Variants in PLXNB1 observed in about 807,000 individuals in gnomAD.
PLXNB1 encodes plexin-B1.
In PLXNB1, 106 loss-of-function variants were observed where a neutral mutation model predicts 209.4. The observed-to-expected ratio is 0.51, with a 90% CI of 0.43 to 0.59. The LOEUF is 0.59. PLXNB1 is among the 20% of genes least tolerant of loss of function. PLXNB1 has a pLI of 0.00. For synonymous variants in PLXNB1, 1,167 were observed against 1,183.2 expected (o/e 0.99, Z 0.28); for missense variants, 2,357 against 2,853.2 (o/e 0.83, Z 3.96).
chr3:48,426,642 G>T (rs1054385410), intron 1 of PLXNB1, among the ~76,000 whole-genome samples: 2 of 152,206 alleles, frequency 1.3e-5, no homozygotes, highest in Non-Finnish European at 2.9e-5. Context: ...ACAGCCCGGT[G>T]GGAGCAGGGG....
rs1487105591 is a variant in PLXNB1, at chr3:48,412,748, G to A, written c.4848C>T (p.Leu1616=). ...LSNLLNSKLF[L]TKFIHTLESQ... ...AAGATGCAGCTGGGGGTACCTTGGT[G>A]AGGAAGAGCTTGCTGTTGAGCAGGT... The change falls in exon 25 of 38, where the codon CTC becomes CTT. Residue 1616 remains leucine, a synonymous_variant. Transcript: ENST00000296440. 6.2e-7 allele frequency: 1 copy of A among 1,612,140 alleles called. No individual in the cohort carries two copies. Among genetic ancestry groups the A allele is most frequent in the Non-Finnish European group, 8.5e-7 (1 of 1,179,024 alleles).
At position 48,412,287 on chromosome 3, in the gene PLXNB1, T is replaced by A; in HGVS notation, c.5051A>T (p.Glu1684Val). 2 of 1,614,038 alleles carry A rather than the reference T, an allele frequency of 1.2e-6. No individual in the cohort carries two copies. Among genetic ancestry groups the A allele is most frequent in the Non-Finnish European group, 1.7e-6 (2 of 1,180,010 alleles). The change falls in exon 27 of 38, where the codon GAG becomes GTG. Residue 1684 changes from glutamate (E) to valine (V), a missense_variant. Around this residue, in one of 7 missense-constraint regions of PLXNB1, gnomAD observed 65 missense variants for 127.6 expected, o/e 0.51. Transcript: ENST00000296440. ...LMLRRTETVV[E>V]KLLTNWMSIC... ...GGACATCCAGTTGGTGAGCAGCTTC[T>A]CCACCACAGTCTCTGTCCTGAGATG...
Position 48,404,439 on chromosome 3 carries a change from C to G in PLXNB1, c.*47G>C. On this transcript the variant is annotated 3_prime_UTR_variant, in exon 38 of 38. Coordinates refer to ENST00000296440, the MANE Select transcript of PLXNB1 (RefSeq NM_001130082.3). ...TGGCCTCTCCTCCGAGCTTCCAGGG[C>G]TGCCCAGGCCAGGCTGAAGCAACAG... is the stretch of plus-strand genomic sequence containing the variant. The G allele has an allele frequency of 7.6e-7, 1 of 1,322,214 alleles. No homozygotes were observed. The highest frequency in any genetic ancestry group is 1.1e-6 in the Non-Finnish European group (1 of 927,278). 81.9% of individuals were successfully genotyped at this position (1,322,214 alleles called of 1,614,324 possible).
Position 48,406,383 on chromosome 3 carries a change from T to C in PLXNB1, c.6228+440A>G, listed in dbSNP as rs1420104931. The stretch of plus-strand genomic sequence containing the variant: ...CAACACCCCAAAATTATATCTGCTA[T>C]TAGTGTTGTGGTTGTCATCATCAAC... On this transcript the variant is annotated intron_variant, in intron 36 of 37. Transcript: ENST00000296440. This position sits in a 1 kb window ranked among gnomAD's most constrained non-coding sequence, Gnocchi z 4.4. Among the ~76,000 whole-genome samples, 1 of 152,224 alleles carries C rather than the reference T, an allele frequency of 6.6e-6. No individual in the cohort carries two copies. The highest frequency in any genetic ancestry group is 1.5e-5 in the Non-Finnish European group (1 of 68,048).
In PLXNB1 at chr3:48,410,777, CCT is replaced by C. The variant is rs1468755047; in HGVS notation, c.5416+89_5416+90del. 6.1e-6 allele frequency: 8 copies of C among 1,310,658 alleles called. No homozygotes were observed. The highest frequency in any genetic ancestry group is 2.8e-5 in the South Asian group (2 of 72,366). 81.2% of individuals were successfully genotyped at this position (1,310,658 alleles called of 1,614,324 possible). On this transcript the variant is annotated intron_variant, in intron 29 of 37. Transcript: ENST00000296440. This position sits in a 1 kb window ranked among gnomAD's most constrained non-coding sequence, Gnocchi z 6.4. ...GCCTGCCTCCCAGCATCCTCCCCACCCTGAGTGATGAGTTGTCCCTGCAGAGT... is the reference window on the plus strand; with the variant it reads ...GCCTGCCTCCCAGCATCCTCCCCACCGAGTGATGAGTTGTCCCTGCAGAGT...
chr3:48,428,180 C>G (rs2038993673), intron 1 of PLXNB1, among the ~76,000 whole-genome samples: 1 of 152,196 alleles, frequency 6.6e-6, no homozygotes, highest in African/African-American at 2.4e-5. Context: ...AGGGGGCCCA[C>G]AATCCCTCCA....
intron 34 of PLXNB1, among the ~76,000 whole-genome samples, chr3:48,408,162 C>T (rs2037429100): frequency 6.6e-6 from 1 of 152,120 alleles, no homozygotes. Context: ...AGGCACACAC[C>T]ACCACTCCTG....
chr3:48,421,644 C>A (rs775887485), intron 7 of PLXNB1, 30 bp downstream of exon 7: 13 of 1,577,014 alleles, frequency 8.2e-6, no homozygotes, highest in African/African-American at 6.7e-5. Flanking sequence ...GAGCCCTCCC[C>A]ACCAGGGCCC....
chr3:48,415,549 C>A lies in PLXNB1; in HGVS notation c.3794+34G>T. ...AGTGGAGCTGCAAAGACCTCCCTGC[C>A]ACCTGCCATGCAGCCACACCCCTGG... is the stretch of plus-strand genomic sequence containing the variant. On this transcript the variant is annotated intron_variant, in intron 19 of 37. Transcript: ENST00000296440. This position sits in a 1 kb window ranked among gnomAD's most constrained non-coding sequence, Gnocchi z 5.0. 1 of 1,534,698 alleles carries A rather than the reference C, an allele frequency of 6.5e-7. No individual in the cohort carries two copies. Among genetic ancestry groups the A allele is most frequent in the Non-Finnish European group, 8.8e-7 (1 of 1,133,058 alleles).
At position 48,419,418 on chromosome 3, in the gene PLXNB1, G is replaced by A; in HGVS notation, c.2710-52C>T. 6.6e-7 allele frequency: 1 copy of A among 1,521,844 alleles called. No individual in the cohort carries two copies. Among genetic ancestry groups the A allele is most frequent in the Middle Eastern group, 1.8e-4 (1 of 5,566 alleles). 94.3% of individuals were successfully genotyped at this position (1,521,844 alleles called of 1,614,324 possible). A position where few individuals can be genotyped will look rare whatever the true frequency, so the allele number is the denominator to read the frequency against. ...TATGGAGCCCACCCTGCCCAGCTCAGCCCTCTGCCTTGCCAGATTCCAGAG... is the reference window on the plus strand; with the variant it reads ...TATGGAGCCCACCCTGCCCAGCTCAACCCTCTGCCTTGCCAGATTCCAGAG... On this transcript the variant is annotated intron_variant, in intron 11 of 37. Coordinates refer to ENST00000296440, the MANE Select transcript of PLXNB1 (RefSeq NM_001130082.3). The surrounding 1 kb of genome is among the most constrained non-coding windows in gnomAD (Gnocchi z 5.7).
intron 1 of PLXNB1, among the ~76,000 whole-genome samples, chr3:48,426,812 G>A (rs963996432): frequency 2.0e-5 from 3 of 152,156 alleles, no homozygotes; most frequent in Non-Finnish European, 2.9e-5. Flanking sequence ...GGAAAGTCTC[G>A]AACCCGGCCA....
At position 48,412,375 on chromosome 3, in the gene PLXNB1, C is replaced by T. The variant is rs113053026; in HGVS notation, c.5033+67G>A. On this transcript the variant is annotated intron_variant, in intron 26 of 37. Transcript: ENST00000296440. ...GCGGGCCTCTCTATCCTGCAGACCC[C>T]CCAGCCCGAGGCCCCACCCCAGCTC... The T allele has an allele frequency of 2.4e-3, 3,889 of 1,611,012 alleles. 68 individuals carry two copies. The African/African-American group carries it at 0.044, about 18-fold the overall frequency.
At position 48,411,897 on chromosome 3, in the gene PLXNB1, C is replaced by T; in HGVS notation, c.5213G>A (p.Arg1738His). 6.2e-7 allele frequency: 1 copy of T among 1,614,132 alleles called. No homozygotes were observed. The highest frequency in any genetic ancestry group is 8.5e-7 in the Non-Finnish European group (1 of 1,180,010). ...GTACTCCACATCCTCTCTGAGCAGG[C>T]GGTTGTCGTTCAAGGTGTATTTGGC... is the stretch of plus-strand genomic sequence containing the variant. ...GKAKYTLNDN[R>H]LLREDVEYRP... The change falls in exon 28 of 38, where the codon CGC (arginine) becomes CAC (histidine). Residue 1738 changes from arginine to histidine, a missense_variant. Transcript: ENST00000296440. The surrounding 1 kb of genome is among the most constrained non-coding windows in gnomAD (Gnocchi z 4.0).
chr3:48,421,424 G>A, intron 7 of PLXNB1, 40 bp from the exon 8 acceptor site: 1 of 1,511,356 alleles, frequency 6.6e-7, no homozygotes. Flanking sequence ...GGGCTAGTGG[G>A]CAGCAGACCA....
rs910844703 is a variant in PLXNB1, at chr3:48,409,805, C to T, written c.5779-74G>A. The stretch of plus-strand genomic sequence containing the variant: ...CAGCAGCCCAGCCTCAGACACCCCC[C>T]GGCACTGTGCCTGCACGAGCCCCAC... On this transcript the variant is annotated intron_variant, in intron 32 of 37. Transcript: ENST00000296440. This position sits in a 1 kb window ranked among gnomAD's most constrained non-coding sequence, Gnocchi z 5.8. 189 of 1,579,926 alleles carry T rather than the reference C, an allele frequency of 1.2e-4. 3 individuals are homozygous for T. The highest frequency in any genetic ancestry group is 6.3e-4 in the South Asian group (55 of 86,792).
rs2039050379 is a variant in PLXNB1 at position 48,429,087 on chromosome 3, A to G, written c.-60+921T>C. ...AGTCTCCCAATCGCGTTCCAGGCGG[A>G]GTCGCCAGAGTTTCCCTTCGCGCGG... is the stretch of plus-strand genomic sequence containing the variant. On this transcript the variant is annotated intron_variant, in intron 1 of 37. Transcript: ENST00000296440. This position sits in a 1 kb window ranked among gnomAD's most constrained non-coding sequence, Gnocchi z 6.4. 6.6e-6 allele frequency among the ~76,000 whole-genome samples: 1 copy of G among 152,182 alleles called. No homozygotes were observed. Among genetic ancestry groups the G allele is most frequent in the African/African-American group, 2.4e-5 (1 of 41,448 alleles).
Position 48,419,137 on chromosome 3 carries a change from G to A in PLXNB1, c.2833-98C>T. ...GATCCCCCAGCACAGCTTCTGGGTT[G>A]GAGTTGAGCCCTCGGACTCTGCCCT... On this transcript the variant is annotated intron_variant, in intron 12 of 37. Transcript: ENST00000296440. This position sits in a 1 kb window ranked among gnomAD's most constrained non-coding sequence, Gnocchi z 5.7. 4 of 1,571,594 alleles carry A rather than the reference G, an allele frequency of 2.5e-6. No individual in the cohort carries two copies. The highest frequency in any genetic ancestry group is 2.3e-5 in the East Asian group (1 of 44,320).
Position 48,410,152 on chromosome 3 carries a change from C to A in PLXNB1, c.5606-75G>T. 6.7e-7 allele frequency: 1 copy of A among 1,500,216 alleles called. No homozygotes were observed. Among genetic ancestry groups the A allele is most frequent in the Non-Finnish European group, 9.0e-7 (1 of 1,112,824 alleles). 92.9% of individuals were successfully genotyped at this position (1,500,216 alleles called of 1,614,324 possible). Reference sequence around the variant, plus strand: ...AGGCCCCCTGTTTCTTGCCAGCTCTCCCAGGGGTGGGGGCACCTGGTTGAG... The same window carrying A: ...AGGCCCCCTGTTTCTTGCCAGCTCTACCAGGGGTGGGGGCACCTGGTTGAG... On this transcript the variant is annotated intron_variant, in intron 31 of 37. Transcript: ENST00000296440. This position sits in a 1 kb window ranked among gnomAD's most constrained non-coding sequence, Gnocchi z 6.4.
At position 48,418,128 on chromosome 3, in the gene PLXNB1, G is replaced by C. The variant is rs984735446; in HGVS notation, c.3222+63C>G. The stretch of plus-strand genomic sequence containing the variant: ...AAGGCAGCCCCAACCTCCCACCTTT[G>C]GGCCCCCACACCCTCCCTCTAAGGG... On this transcript the variant is annotated intron_variant, in intron 15 of 37. Coordinates refer to ENST00000296440, the MANE Select transcript of PLXNB1 (RefSeq NM_001130082.3). This position sits in a 1 kb window ranked among gnomAD's most constrained non-coding sequence, Gnocchi z 6.6. 1 of 1,607,220 alleles carries C rather than the reference G, an allele frequency of 6.2e-7. No individual in the cohort carries two copies. Among genetic ancestry groups the C allele is most frequent in the African/African-American group, 1.3e-5 (1 of 74,804 alleles).
Sources: gnomAD v4.1 joint callset for allele counts (sites outside exome capture counted in the v4.1 genomes callset) on GRCh38, gnomAD v4.1.1 for gene constraint, gnomAD v4.1.1 regional missense constraint, Gnocchi (gnomAD v3.1) non-coding constraint, MANE v1.5 for transcripts, NCBI Gene and HGNC (gene_info 2026-07-23, HGNC 2026-07-21) for gene names.